The following EFCAB6 variants were observed in gnomAD, a reference collection of about 807,000 sequenced individuals.
EFCAB6 encodes EF-hand calcium binding domain 6, also known as EF-hand calcium-binding domain-containing protein 6.
A neutral mutation model predicts 169.8 loss-of-function variants in EFCAB6; 156 were observed. The observed-to-expected ratio is 0.92, with a 90% CI of 0.81 to 1.05. EFCAB6 has a LOEUF of 1.05. EFCAB6 is among the 50% of genes least tolerant of loss of function. EFCAB6 has a pLI of 0.00. For synonymous variants in EFCAB6, 698 were observed against 676.4 expected (o/e 1.03, Z -0.50); for missense variants, 1,800 against 1,829.1 (o/e 0.98, Z 0.29).
chr22:43,631,413 C>T (rs1287749802), intron 19 of EFCAB6, among the ~76,000 whole-genome samples: 1 of 151,962 alleles, frequency 6.6e-6, no homozygotes, highest in African/African-American at 2.4e-5. Flanking sequence ...ACACCTCCAC[C>T]ACGACAAGCC....
intron 12 of EFCAB6, among the ~76,000 whole-genome samples, chr22:43,681,084 G>T (rs1463543845): frequency 6.6e-6 from 1 of 152,200 alleles, no homozygotes; most frequent in Non-Finnish European, 1.5e-5. Flanking sequence ...TAACTGTGCT[G>T]CTGGCTATGG....
At chr22:43,536,361 T>C (rs1364373206) in intron 29 of EFCAB6, 1 of 152,252 alleles carries the variant, frequency 6.6e-6, no homozygotes, top group Non-Finnish European at 1.5e-5. Context: ...AGTTTACACC[T>C]GGTTTCATTT....
intron 31 of EFCAB6, 143 bp downstream of exon 31, chr22:43,530,672 G>A: frequency 6.7e-7 from 1 of 1,488,728 alleles, no homozygotes; most frequent in Admixed American, 2.4e-5. Context: ...GATAACTTGG[G>A]GGTCCCAGGG....
At chr22:43,771,708 C>T (rs12628713) in intron 4 of EFCAB6, among the ~76,000 whole-genome samples, 12,635 of 152,084 alleles carry the variant, frequency 0.083, 659 homozygotes, top group South Asian at 0.17. Context: ...TGTGGCACAC[C>T]ACCAGGTGGC....
chr22:43,664,049 G>A (rs1015714336), intron 17 of EFCAB6, among the ~76,000 whole-genome samples: 1 of 152,184 alleles, frequency 6.6e-6, no homozygotes, highest in African/African-American at 2.4e-5. Flanking sequence ...CAAGAAGCCC[G>A]CAGATAGGCA....
At chr22:43,782,371 A>G in intron 2 of EFCAB6, 46 bp from the exon 3 acceptor site, 1 of 1,566,480 alleles carries the variant, frequency 6.4e-7, no homozygotes, top group Non-Finnish European at 8.7e-7. Flanking sequence ...AAGAGCATAC[A>G]TTCCAAATGT....
intron 12 of EFCAB6, among the ~76,000 whole-genome samples, chr22:43,679,435 G>A (rs1045182813): frequency 6.6e-6 from 1 of 152,184 alleles, no homozygotes; most frequent in African/African-American, 2.4e-5. Context: ...TGTGAATAAT[G>A]TTGTTATGAA....
At chr22:43,772,842 C>T in intron 4 of EFCAB6, 50 bp downstream of exon 4, 2 of 1,602,302 alleles carry the variant, frequency 1.2e-6, no homozygotes, top group South Asian at 1.1e-5. Context: ...CCTGATCTAC[C>T]TCAGCTTGTC....
At chr22:43,733,498 A>G (rs2060025622) in intron 7 of EFCAB6, among the ~76,000 whole-genome samples, 1 of 152,120 alleles carries the variant, frequency 6.6e-6, no homozygotes, top group Admixed American at 6.5e-5. Flanking sequence ...CTTGGTGGTA[A>G]TTGTATCTCT....
chr22:43,676,404 G>T (rs564300969), intron 13 of EFCAB6, among the ~76,000 whole-genome samples: 20 of 135,624 alleles, frequency 1.5e-4, no homozygotes, highest in African/African-American at 5.7e-4. Context: ...GGGCGACAGA[G>T]CAAGACTCCG....
At chr22:43,723,339 G>T (rs888951142) in intron 8 of EFCAB6, among the ~76,000 whole-genome samples, 9 of 152,022 alleles carry the variant, frequency 5.9e-5, no homozygotes, top group African/African-American at 2.2e-4. Context: ...AAATGGAGGG[G>T]GTGTGGATTG....
intron 2 of EFCAB6, among the ~76,000 whole-genome samples, chr22:43,784,718 C>CACACACAT (rs1256297031): frequency 9.8e-5 from 11 of 112,184 alleles, no homozygotes; most frequent in South Asian, 2.8e-4. Context: ...CACACACACA[C>CACACACAT]ATATATATAT....
chr22:43,784,781 A>G (rs1439491504), intron 2 of EFCAB6, among the ~76,000 whole-genome samples: 2 of 149,328 alleles, frequency 1.3e-5, no homozygotes, highest in Non-Finnish European at 3.0e-5. Flanking sequence ...GGAGGCTCAC[A>G]TGGTAGAATC....
At chr22:43,764,525 A>C (rs2061266692) in intron 5 of EFCAB6, among the ~76,000 whole-genome samples, 1 of 152,164 alleles carries the variant, frequency 6.6e-6, no homozygotes, top group Non-Finnish European at 1.5e-5. Flanking sequence ...GTCTTTTGGT[A>C]GAATGATTTG....
intron 15 of EFCAB6, among the ~76,000 whole-genome samples, chr22:43,670,323 G>A (rs1172654028): frequency 6.6e-6 from 1 of 152,186 alleles, no homozygotes; most frequent in Non-Finnish European, 1.5e-5. Flanking sequence ...CAATTCTTCA[G>A]AGTATAAAAG....
At chr22:43,555,142 C>T in intron 26 of EFCAB6, 46 bp from the exon 27 acceptor site, 1 of 1,598,010 alleles carries the variant, frequency 6.3e-7, no homozygotes. Flanking sequence ...AAATAATCGA[C>T]CACCTCTTGC....
At chr22:43,682,969 C>T (rs1319786974) in intron 12 of EFCAB6, among the ~76,000 whole-genome samples, 1 of 152,148 alleles carries the variant, frequency 6.6e-6, no homozygotes, top group Non-Finnish European at 1.5e-5. Context: ...CTGGAAGCCA[C>T]CCCCAGGCAG....
chr22:43,597,397 G>A (rs1227505906), intron 23 of EFCAB6, among the ~76,000 whole-genome samples: 1 of 152,072 alleles, frequency 6.6e-6, no homozygotes, highest in Non-Finnish European at 1.5e-5. Flanking sequence ...CAACCCAACA[G>A]CATGAAAAGA....
chr22:43,732,169 C>G (rs2059976948), intron 7 of EFCAB6, among the ~76,000 whole-genome samples: 1 of 152,182 alleles, frequency 6.6e-6, no homozygotes, highest in Non-Finnish European at 1.5e-5. Context: ...TCCACTCCGA[C>G]AGCAGAAGCA....
Sources: allele counts gnomAD v4.1 joint callset (sites outside exome capture counted in the v4.1 genomes callset), GRCh38; gene constraint gnomAD v4.1.1; transcripts MANE v1.5; gene names NCBI Gene and HGNC (gene_info 2026-07-23, HGNC 2026-07-21).